Variants in CUX2 observed in about 807,000 individuals in gnomAD.
The protein encoded by CUX2 is cut like homeobox 2, also known as homeobox protein cut-like 2.
CUX2 carries 40 observed loss-of-function variants against 144.8 expected under a neutral mutation model. The ratio of observed to expected loss-of-function variants is 0.28; its 90% CI spans 0.21 to 0.36. CUX2 has a LOEUF of 0.36. CUX2 is among the 10% of genes least tolerant of loss of function. The probability of loss-of-function intolerance (pLI) is 1.00; values close to 1 mark genes in which losing one functional copy is unlikely to be tolerated. For missense variants in CUX2, 1,615 were observed against 1,994.0 expected (o/e 0.81, Z 3.62); for synonymous variants, 827 against 875.6 (o/e 0.94, Z 0.98).
intron 18 of CUX2, among the ~76,000 whole-genome samples, chr12:111,327,430 T>C (rs1472837155): frequency 6.6e-6 from 1 of 152,232 alleles, no homozygotes; most frequent in Non-Finnish European, 1.5e-5. Context: ...ACTCTTGTGT[T>C]TAACTTACTG....
intron 3 of CUX2, among the ~76,000 whole-genome samples, chr12:111,220,834 G>A (rs1881815295): frequency 6.7e-6 from 1 of 149,310 alleles, no homozygotes; most frequent in Non-Finnish European, 1.5e-5. Context: ...TACTCAGGAG[G>A]CTGAGGTGGG....
At chr12:111,330,732 T>TATAC (rs1888081944) in intron 18 of CUX2, among the ~76,000 whole-genome samples, 1 of 53,598 alleles carries the variant, frequency 1.9e-5, no homozygotes, top group African/African-American at 7.1e-5. Flanking sequence ...TATATATATA[T>TATAC]ATATATATAT....
chr12:111,199,996 G>T (rs535118786), intron 1 of CUX2, among the ~76,000 whole-genome samples: 1 of 152,302 alleles, frequency 6.6e-6, no homozygotes, highest in South Asian at 2.1e-4. Flanking sequence ...TTTCACAGAT[G>T]AACATGCATT....
At chr12:111,294,753 C>G (rs988637884) in intron 6 of CUX2, among the ~76,000 whole-genome samples, 60 of 151,868 alleles carry the variant, frequency 4.0e-4, no homozygotes, top group African/African-American at 1.4e-3. Flanking sequence ...AAAAATTAAG[C>G]TGTGTGTGGT....
intron 1 of CUX2, among the ~76,000 whole-genome samples, chr12:111,073,087 G>A (rs1047707419): frequency 6.6e-6 from 1 of 152,162 alleles, no homozygotes; most frequent in Non-Finnish European, 1.5e-5. Context: ...CAGCTCAACT[G>A]TCACAAACTG....
At chr12:111,122,305 T>G (rs1874741701) in intron 1 of CUX2, among the ~76,000 whole-genome samples, 1 of 152,220 alleles carries the variant, frequency 6.6e-6, no homozygotes, top group Non-Finnish European at 1.5e-5. Context: ...ACAAGTAGTT[T>G]CTAGAGTAAG....
At chr12:111,298,484 GC>G in intron 8 of CUX2, 56 bp from the exon 9 acceptor site, 1 of 1,533,496 alleles carries the variant, frequency 6.5e-7, no homozygotes, top group East Asian at 2.4e-5. Context: ...GTCAGGAGGG[GC>G]GGGGGCCTGG....
At chr12:111,308,361 G>A (rs1252179218) in intron 13 of CUX2, 28 bp downstream of exon 13, 3 of 1,613,994 alleles carry the variant, frequency 1.9e-6, no homozygotes, top group Admixed American at 1.7e-5. Context: ...CATCCCTGCA[G>A]GGCAGGCTGC....
chr12:111,341,969 A>C lies in CUX2; in HGVS notation c.3575A>C (p.Tyr1192Ser). ...ALRKAYQLEPYPSQQTIELLS... is the reference protein window; with the variant it reads ...ALRKAYQLEPSPSQQTIELLS... ...CGGAAGGCCTATCAGCTGGAACCCT[A>C]CCCCTCGCAGCAGACCATCGAGCTC... The change falls in exon 21 of 22, where the codon TAC becomes TCC. Residue 1192 changes from tyrosine to serine, a missense_variant. By Grantham distance (144) the Tyr-to-Ser change is moderately radical (BLOSUM62 -2). Coordinates refer to ENST00000261726, the MANE Select transcript of CUX2 (RefSeq NM_015267.4). 6.2e-7 allele frequency: 1 copy of C among 1,613,824 alleles called. No homozygotes were observed. Among genetic ancestry groups the C allele is most frequent in the Non-Finnish European group, 8.5e-7 (1 of 1,179,966 alleles).
chr12:111,259,198 G>A (rs1883989186), intron 3 of CUX2, among the ~76,000 whole-genome samples: 1 of 152,014 alleles, frequency 6.6e-6, no homozygotes, highest in Non-Finnish European at 1.5e-5. Flanking sequence ...CACTGTACCT[G>A]GCCTCAGGAT....
intron 1 of CUX2, among the ~76,000 whole-genome samples, chr12:111,083,477 C>T (rs1160098083): frequency 2.0e-5 from 3 of 152,026 alleles, no homozygotes; most frequent in Admixed American, 6.6e-5. Context: ...AGCTTGAGGA[C>T]CCCAGAGTCA....
At chr12:111,324,028 G>A (rs1438896858) in intron 18 of CUX2, among the ~76,000 whole-genome samples, 1 of 151,772 alleles carries the variant, frequency 6.6e-6, no homozygotes, top group African/African-American at 2.4e-5. Context: ...CACTGGGCAA[G>A]TGAGACCATC....
chr12:111,328,760 T>C (rs1298260513), intron 18 of CUX2, among the ~76,000 whole-genome samples: 1 of 151,856 alleles, frequency 6.6e-6, no homozygotes, highest in African/African-American at 2.4e-5. Flanking sequence ...ACTAATTTTT[T>C]GTATTTTTAG....
At chr12:111,090,087 T>G (rs748107847) in intron 1 of CUX2, among the ~76,000 whole-genome samples, 16 of 152,164 alleles carry the variant, frequency 1.1e-4, no homozygotes, top group Non-Finnish European at 2.2e-4. Flanking sequence ...CTGCAGCATC[T>G]TGATGAGTGA....
At chr12:111,117,824 G>A (rs1874395001) in intron 1 of CUX2, among the ~76,000 whole-genome samples, 1 of 152,212 alleles carries the variant, frequency 6.6e-6, no homozygotes, top group Non-Finnish European at 1.5e-5. Flanking sequence ...TGAGGAAGCA[G>A]TAGAGCCACT....
intron 3 of CUX2, among the ~76,000 whole-genome samples, chr12:111,260,315 T>G (rs1162205169): frequency 6.6e-6 from 1 of 151,312 alleles, no homozygotes; most frequent in Admixed American, 6.6e-5. Context: ...ATACAAAAAA[T>G]TAGCCAGGCA....
chr12:111,341,684 C>A, intron 20 of CUX2, 96 bp from the exon 21 acceptor site: 1 of 1,393,220 alleles, frequency 7.2e-7, no homozygotes, highest in Non-Finnish European at 9.7e-7. Context: ...TCCGAGTGGG[C>A]CTGACAGATG....
chr12:111,320,495 A>T lies in CUX2; in HGVS notation c.2486A>T (p.Glu829Val). ...PNGRAWPRGD[E>V]APVPPEDEAA... ...GGCCGCGCCTGGCCCCGCGGGGACG[A>T]GGCCCCTGTGCCCCCCGAGGACGAG... Residue 829 changes from glutamate (E) to valine (V), a missense_variant, in exon 17 of 22, where the codon GAG (glutamate) becomes GTG (valine). Transcript: ENST00000261726. This position sits in a 1 kb window ranked among gnomAD's most constrained non-coding sequence, Gnocchi z 8.1. The T allele has an allele frequency of 6.3e-7, 1 of 1,584,806 alleles. No individual in the cohort carries two copies. The highest frequency in any genetic ancestry group is 8.5e-7 in the Non-Finnish European group (1 of 1,170,356).
chr12:111,258,191 A>G (rs1226650277), intron 3 of CUX2, among the ~76,000 whole-genome samples: 11 of 152,174 alleles, frequency 7.2e-5, no homozygotes, highest in Non-Finnish European at 5.9e-5. Context: ...TAGTGACATT[A>G]GGCCCAGTAC....
Sources: gnomAD v4.1 joint callset for allele counts (sites outside exome capture counted in the v4.1 genomes callset) on GRCh38, gnomAD v4.1.1 for gene constraint, Gnocchi (gnomAD v3.1) non-coding constraint, MANE v1.5 for transcripts, NCBI Gene and HGNC (gene_info 2026-07-23, HGNC 2026-07-21) for gene names.